WDR93: variants seen among roughly 807,000 people sequenced by gnomAD.
The protein encoded by WDR93 is WD repeat domain 93.
Under a neutral mutation model 82.9 loss-of-function variants are expected in WDR93, and 73 were observed. The ratio of observed to expected loss-of-function variants is 0.88; its 90% CI spans 0.73 to 1.07. The LOEUF is 1.07. Among genes scored for constraint, WDR93 ranks in the 50% least tolerant of loss-of-function variants. The pLI, the probability that WDR93 is intolerant of heterozygous loss-of-function variation, is 0.00. For missense variants in WDR93, 738 were observed against 826.0 expected, an observed-to-expected ratio of 0.89 and a Z score of 1.31; for synonymous variants, 283 against 300.1, an observed-to-expected ratio of 0.94 and a Z score of 0.59.
In WDR93 at chr15:89,712,063, A is replaced by G. The variant is rs750414405; in HGVS notation, c.599A>G (p.Glu200Gly). 14 of 1,613,458 alleles carry G rather than the reference A, an allele frequency of 8.7e-6. No homozygotes were observed. In the South Asian group the frequency reaches 1.5e-4, roughly 18 times the overall value. ...TSKQTTCIKM[E>G]ISQGGDFAAF... ...AAGCAAACTACCTGTATAAAGATGG[A>G]GATCTCTCAAGGAGGGGACTTTGCA... Residue 200 changes from glutamate (E) to glycine (G), a missense_variant, in exon 5 of 17, where the codon GAG (glutamate) becomes GGG (glycine). By Grantham distance (98) the Glu-to-Gly change is moderately conservative. Transcript: ENST00000268130.
rs1388269568 is a variant in WDR93, at chr15:89,713,475, A to AT, written c.640+1375dup. 1.9e-3 allele frequency among the ~76,000 whole-genome samples: 185 copies of AT among 97,930 alleles called. 1 individual carries two copies. The highest frequency in any genetic ancestry group is 7.5e-3 in the African/African-American group (174 of 23,208). 64.2% of individuals were successfully genotyped at this position (97,930 alleles called of 152,430 possible). ...GGTATTTGAGGAACATATGCATTTTATTTTGTTTTTTTTTTGAGAAGGAGT... is the reference window on the plus strand; with the variant it reads ...GGTATTTGAGGAACATATGCATTTTATTTTTGTTTTTTTTTTGAGAAGGAGT... On this transcript the variant is annotated intron_variant, in intron 5 of 16. Coordinates refer to ENST00000268130, the MANE Select transcript of WDR93 (RefSeq NM_020212.2).
intron 4 of WDR93, among the ~76,000 whole-genome samples, chr15:89,708,960 T>C (rs959884743): frequency 3.3e-5 from 5 of 152,216 alleles, no homozygotes; most frequent in African/African-American, 4.8e-5. Context: ...GGCGACCCTG[T>C]GGGTACCCAC....
At chr15:89,714,602 G>GT (rs1567110951) in intron 5 of WDR93, among the ~76,000 whole-genome samples, 2 of 151,974 alleles carry the variant, frequency 1.3e-5, no homozygotes, top group African/African-American at 4.8e-5. Flanking sequence ...GATTACAGGC[G>GT]TGAGCCGCCA....
intron 8 of WDR93, 110 bp downstream of exon 8, chr15:89,722,249 CAT>C: frequency 1.0e-6 from 1 of 971,174 alleles, no homozygotes; most frequent in Non-Finnish European, 1.5e-6. Flanking sequence ...AAATTACAAA[CAT>C]AGTTATGAAG....
At chr15:89,709,311 C>T (rs1008384679) in intron 4 of WDR93, among the ~76,000 whole-genome samples, 12 of 152,082 alleles carry the variant, frequency 7.9e-5, no homozygotes, top group African/African-American at 2.9e-4. Flanking sequence ...TGAGGCTGGG[C>T]AGGGTGGGGG....
intron 3 of WDR93, chr15:89,705,119 T>C (rs533435061): frequency 9.5e-4 from 157 of 165,664 alleles, no homozygotes; most frequent in Non-Finnish European, 1.5e-3. Flanking sequence ...TTGTTGGGAT[T>C]GAGAGGCAAG....
At chr15:89,717,527 G>A (rs78003629) in intron 7 of WDR93, among the ~76,000 whole-genome samples, 2,274 of 152,306 alleles carry the variant, frequency 0.015, 63 homozygotes, top group African/African-American at 0.052. Flanking sequence ...TTGGCCAGAC[G>A]TGGGTTTACC....
intron 16 of WDR93, among the ~76,000 whole-genome samples, chr15:89,742,435 A>G (rs1001846126): frequency 4.5e-4 from 69 of 151,930 alleles, no homozygotes; most frequent in African/African-American, 1.6e-3. Flanking sequence ...CACCCTGCTA[A>G]GCGTGCCCGT....
chr15:89,729,575 C>T (rs1045122587), intron 10 of WDR93, 108 bp from the exon 11 acceptor site: 43 of 831,590 alleles, frequency 5.2e-5, no homozygotes, highest in South Asian at 4.1e-4. Context: ...CCACTTCAGA[C>T]TTCAAACCAG....
intron 4 of WDR93, among the ~76,000 whole-genome samples, chr15:89,711,423 G>A (rs1965969599): frequency 6.6e-6 from 1 of 151,780 alleles, no homozygotes; most frequent in African/African-American, 2.4e-5. Flanking sequence ...CACTTTGAGA[G>A]GCCATCTTGG....
chr15:89,694,350 T>C (rs1349161778), intron 1 of WDR93, among the ~76,000 whole-genome samples: 8 of 149,286 alleles, frequency 5.4e-5, no homozygotes, highest in Non-Finnish European at 7.4e-5. Context: ...TTCTCCTGCC[T>C]CAGCCCCCCG....
chr15:89,737,310 T>G (rs1040559857), intron 14 of WDR93, among the ~76,000 whole-genome samples: 8 of 152,118 alleles, frequency 5.3e-5, no homozygotes, highest in African/African-American at 1.9e-4. Context: ...GCAGAGAACT[T>G]GGAAGAGAGG....
chr15:89,702,979 T>G lies in WDR93; in HGVS notation c.333T>G (p.Val111=). 1 of 1,614,200 alleles carries G rather than the reference T, an allele frequency of 6.2e-7. No homozygotes were observed. Among genetic ancestry groups the G allele is most frequent in the Non-Finnish European group, 8.5e-7 (1 of 1,180,028 alleles). The change falls in exon 3 of 17, where the codon GTT becomes GTG. Residue 111 remains valine (V), a synonymous_variant. Transcript: ENST00000268130. ...ACAAAATGCCAAATTGTATGGCTGT[T>G]TCCCAAGACTATGTGTTTATTGGAG... ...QLNKMPNCMA[V]SQDYVFIGGA...
intron 16 of WDR93, among the ~76,000 whole-genome samples, chr15:89,740,765 G>A (rs1336003616): frequency 1.3e-5 from 2 of 152,132 alleles, no homozygotes; most frequent in East Asian, 3.9e-4. Context: ...GCCTGCCAAA[G>A]TGGTGGGATT....
intron 7 of WDR93, chr15:89,721,436 C>T (rs1374891838): frequency 2.0e-5 from 3 of 152,352 alleles, no homozygotes; most frequent in Non-Finnish European, 2.9e-5. Flanking sequence ...CCTGTGAGAT[C>T]CCAGCTATTC....
chr15:89,737,435 A>C, intron 14 of WDR93, 138 bp from the exon 15 acceptor site: 1 of 1,157,046 alleles, frequency 8.6e-7, no homozygotes, highest in Non-Finnish European at 1.2e-6. Context: ...GCAGCCCTGG[A>C]TGGATCCAGA....
chr15:89,703,534 T>C, intron 3 of WDR93: 1 of 217,784 alleles, frequency 4.6e-6, no homozygotes, highest in Non-Finnish European at 9.1e-6. Context: ...TCTTTTTCCC[T>C]CAGCCTGAGG....
chr15:89,731,513 G>A lies in WDR93; in HGVS notation c.1281G>A (p.Leu427=), dbSNP rs1351065849. The A allele has an allele frequency of 6.2e-7, 1 of 1,614,188 alleles. No homozygotes were observed. Among genetic ancestry groups the A allele is most frequent in the East Asian group, 2.2e-5 (1 of 44,890 alleles). Reference sequence around the variant, plus strand: ...AGCTCAGCTGCTCCTCCTCCTACCTGGTGCTGGCCTGCGAGGATGGTGTGC... The same window carrying A: ...AGCTCAGCTGCTCCTCCTCCTACCTAGTGCTGGCCTGCGAGGATGGTGTGC... The part of the protein sequence containing the change: ...VSQLSCSSSY[L]VLACEDGVLT... The change falls in exon 12 of 17, where the codon CTG becomes CTA. Residue 427 remains leucine (L), a synonymous_variant. Coordinates refer to ENST00000268130, the MANE Select transcript of WDR93 (RefSeq NM_020212.2).
intron 1 of WDR93, among the ~76,000 whole-genome samples, chr15:89,698,255 A>T (rs1596065690): frequency 6.6e-6 from 1 of 152,080 alleles, no homozygotes. Flanking sequence ...ACTGTGTCTG[A>T]TATTAATGTA....
Sources: allele counts gnomAD v4.1 joint callset (sites outside exome capture counted in the v4.1 genomes callset), GRCh38; gene constraint gnomAD v4.1.1; transcripts MANE v1.5; gene names NCBI Gene and HGNC (gene_info 2026-07-23, HGNC 2026-07-21).